RCOR3: variants seen among roughly 807,000 people sequenced by gnomAD.
The protein encoded by RCOR3 is REST corepressor 3.
Under a neutral mutation model 64.1 loss-of-function variants are expected in RCOR3, and 13 were observed. The ratio of observed to expected loss-of-function variants is 0.20; its 90% CI spans 0.13 to 0.32. The LOEUF (loss-of-function observed/expected upper bound fraction) is 0.32, where lower values mean the gene tolerates loss of function less well. Among genes scored for constraint, RCOR3 ranks in the 10% least tolerant of loss-of-function variants. The probability of loss-of-function intolerance (pLI) is 1.00; values close to 1 mark genes in which losing one functional copy is unlikely to be tolerated. For missense variants in RCOR3, 489 were observed against 701.2 expected (o/e 0.70, Z 3.42); for synonymous variants, 215 against 239.0 (o/e 0.90, Z 0.93).
At chr1:211,299,809 CTG>C (rs1253872687) in intron 9 of RCOR3, among the ~76,000 whole-genome samples, 1 of 152,098 alleles carries the variant, frequency 6.6e-6, no homozygotes, top group African/African-American at 2.4e-5. Context: ...AGAATATACT[CTG>C]TGATACCATG....
At chr1:211,279,484 G>A (rs1240306303) in intron 7 of RCOR3, among the ~76,000 whole-genome samples, 168 bp downstream of exon 7, 1 of 152,144 alleles carries the variant, frequency 6.6e-6, no homozygotes, top group African/African-American at 2.4e-5. Flanking sequence ...TAACCAAGTT[G>A]TTGAAAGTTG....
intron 10 of RCOR3, among the ~76,000 whole-genome samples, chr1:211,310,287 G>T (rs1259420512): frequency 6.6e-6 from 1 of 152,180 alleles, no homozygotes; most frequent in East Asian, 1.9e-4. Flanking sequence ...AGCTATTCCA[G>T]ACCCTGTCCA....
At chr1:211,268,173 A>G (rs1182657319) in intron 2 of RCOR3, among the ~76,000 whole-genome samples, 1 of 152,110 alleles carries the variant, frequency 6.6e-6, no homozygotes, top group Non-Finnish European at 1.5e-5. Flanking sequence ...ATTGAAGTTT[A>G]GGATATTCAC....
chr1:211,303,923 C>T, intron 9 of RCOR3, 160 bp from the exon 10 acceptor site: 1 of 460,508 alleles, frequency 2.2e-6, no homozygotes, highest in Non-Finnish European at 3.9e-6. Flanking sequence ...TAAAAGGTAA[C>T]TCAGAATATA....
intron 3 of RCOR3, 30 bp downstream of exon 3, chr1:211,271,339 C>T (rs947984849): frequency 1.7e-5 from 27 of 1,568,846 alleles, no homozygotes; most frequent in Non-Finnish European, 2.4e-5. Flanking sequence ...ATGTTAATGT[C>T]AGCAGGAGTT....
intron 8 of RCOR3, among the ~76,000 whole-genome samples, chr1:211,293,383 C>A (rs1699475472): frequency 6.6e-6 from 1 of 152,152 alleles, no homozygotes; most frequent in South Asian, 2.1e-4. Flanking sequence ...AATTAAAATT[C>A]CTCGGTCTGG....
rs1325088975 is a variant in RCOR3 at position 211,261,910 on chromosome 1, T to C, written c.223+1746T>C. On this transcript the variant is annotated intron_variant, in intron 2 of 11. Transcript: ENST00000419091. ...TTGCACTCCAGCCTGGGCAACAGAG[T>C]GAGACTCCATCTCAAAAAAAAAAAA... is the stretch of plus-strand genomic sequence containing the variant. 2.1e-3 allele frequency among the ~76,000 whole-genome samples: 105 copies of C among 49,980 alleles called. 1 individual carries two copies. The highest frequency in any genetic ancestry group is 5.4e-3 in the South Asian group (6 of 1,112). 32.8% of individuals were successfully genotyped at this position (49,980 alleles called of 152,430 possible).
intron 2 of RCOR3, among the ~76,000 whole-genome samples, chr1:211,268,528 C>T (rs1053074026): frequency 6.6e-6 from 1 of 151,608 alleles, no homozygotes; most frequent in African/African-American, 2.4e-5. Context: ...TACAGGCATG[C>T]GCCACCACAC....
intron 8 of RCOR3, among the ~76,000 whole-genome samples, chr1:211,294,283 G>C (rs1043447935): frequency 1.3e-5 from 2 of 152,106 alleles, no homozygotes; most frequent in African/African-American, 4.8e-5. Context: ...CTTTTCATCT[G>C]ATTTCAAGTA....
In RCOR3 at chr1:211,282,955, G is replaced by A. The variant is rs1698024917; in HGVS notation, c.720+3639G>A. 2.0e-5 allele frequency among the ~76,000 whole-genome samples: 3 copies of A among 151,878 alleles called. No individual in the cohort carries two copies. The South Asian group carries it at 6.2e-4, about 32-fold the overall frequency. ...ATTTATTTCATACTTTATTTAATTG[G>A]AATCATATTGTATGTATTCTTCAGT... is the stretch of plus-strand genomic sequence containing the variant. On this transcript the variant is annotated intron_variant, in intron 7 of 11. Transcript: ENST00000419091.
At chr1:211,288,779 C>CGGTA (rs1558081472) in intron 7 of RCOR3, among the ~76,000 whole-genome samples, 1 of 151,934 alleles carries the variant, frequency 6.6e-6, no homozygotes, top group Non-Finnish European at 1.5e-5. Context: ...TAAATTGCCC[C>CGGTA]CTTTTTTCTT....
intron 2 of RCOR3, among the ~76,000 whole-genome samples, chr1:211,265,999 A>G (rs952754218): frequency 2.6e-5 from 4 of 152,038 alleles, no homozygotes; most frequent in East Asian, 3.9e-4. Flanking sequence ...GTGAAGAGAG[A>G]TGATGGAAGT....
chr1:211,269,533 G>A (rs1202455776), intron 2 of RCOR3, among the ~76,000 whole-genome samples: 2 of 151,976 alleles, frequency 1.3e-5, no homozygotes, highest in Non-Finnish European at 2.9e-5. Context: ...AGAGGCAGAG[G>A]TTGCAGTGAG....
At chr1:211,288,923 C>T (rs1698907233) in intron 7 of RCOR3, among the ~76,000 whole-genome samples, 1 of 152,076 alleles carries the variant, frequency 6.6e-6, no homozygotes, top group Non-Finnish European at 1.5e-5. Flanking sequence ...TTCACTTATT[C>T]CTAGTCCTCT....
At chr1:211,269,309 C>T (rs1695764046) in intron 2 of RCOR3, among the ~76,000 whole-genome samples, 1 of 151,632 alleles carries the variant, frequency 6.6e-6, no homozygotes, top group African/African-American at 2.4e-5. Flanking sequence ...ACTAAAAATA[C>T]AAAGTTAGCC....
intron 2 of RCOR3, among the ~76,000 whole-genome samples, chr1:211,262,210 G>A (rs1694445508): frequency 6.6e-6 from 1 of 151,138 alleles, no homozygotes; most frequent in South Asian, 2.1e-4. Context: ...GCTAATTTTT[G>A]TATTTTTAGT....
intron 8 of RCOR3, chr1:211,291,649 A>G: frequency 2.2e-6 from 1 of 444,980 alleles, no homozygotes; most frequent in Non-Finnish European, 4.5e-6. Flanking sequence ...TCTATCTTAA[A>G]CATGTTCAGA....
rs540367553 is a variant in RCOR3, at chr1:211,288,166, C to T, written c.721-1012C>T. 9.9e-5 allele frequency among the ~76,000 whole-genome samples: 15 copies of T among 151,512 alleles called. 1 individual carries two copies. In the South Asian group the frequency reaches 3.1e-3, roughly 31 times the overall value. ...TCAAAAGGCTACAGTAAGCAGTGCT[C>T]ATGCCACTGCACTTAGCCTGGGTGA... On this transcript the variant is annotated intron_variant, in intron 7 of 11. Coordinates refer to ENST00000419091, the MANE Select transcript of RCOR3 (RefSeq NM_001136223.3).
chr1:211,270,076 T>TC (rs1266070817), intron 2 of RCOR3, among the ~76,000 whole-genome samples: 3 of 151,616 alleles, frequency 2.0e-5, no homozygotes, highest in African/African-American at 7.3e-5. Flanking sequence ...CTTTTTTTTT[T>TC]TTTTGAGATG....
Sources: allele counts gnomAD v4.1 joint callset (sites outside exome capture counted in the v4.1 genomes callset), GRCh38; gene constraint gnomAD v4.1.1; transcripts MANE v1.5; gene names NCBI Gene and HGNC (gene_info 2026-07-23, HGNC 2026-07-21).